LNP1: variants seen among roughly 807,000 people sequenced by gnomAD.
The protein encoded by LNP1 is leukemia NUP98 fusion partner 1.
Under a neutral mutation model 14.5 loss-of-function variants are expected in LNP1, and 12 were observed. The observed-to-expected ratio is 0.83, with a 90% CI of 0.53 to 1.34. The LOEUF is 1.34. Ranked by LOEUF, LNP1 falls within the 40% of genes most tolerant of loss-of-function variation. The pLI, the probability that LNP1 is intolerant of heterozygous loss-of-function variation, is 0.00. For missense variants in LNP1, 198 were observed against 210.9 expected (o/e 0.94, Z 0.38); for synonymous variants, 75 against 71.4 (o/e 1.05, Z -0.26).
chr3:100,404,206 G>T (rs1706941874), intron 1 of LNP1, among the ~76,000 whole-genome samples: 1 of 152,132 alleles, frequency 6.6e-6, no homozygotes, highest in South Asian at 2.1e-4. Context: ...TTTTGTGGGT[G>T]GGGGAGGTTG....
chr3:100,410,923 G>A (rs1707026142), intron 1 of LNP1, among the ~76,000 whole-genome samples: 1 of 152,176 alleles, frequency 6.6e-6, no homozygotes, highest in South Asian at 2.1e-4. Flanking sequence ...GAGTGGGTGT[G>A]CCCTTCCAGT....
chr3:100,455,957 C>G lies in LNP1; in HGVS notation c.*31C>G. ...TGCTTCTGCCTCATGACATCAGATG[C>G]TACTGTTTTGGTTTTTTTCTTTGAG... On this transcript the variant is annotated 3_prime_UTR_variant, in exon 4 of 4. Transcript: ENST00000383693. The G allele has an allele frequency of 6.3e-7, 1 of 1,578,976 alleles. No individual in the cohort carries two copies. Among genetic ancestry groups the G allele is most frequent in the Non-Finnish European group, 8.6e-7 (1 of 1,166,144 alleles).
At chr3:100,420,899 C>CT (rs926878444) in intron 1 of LNP1, among the ~76,000 whole-genome samples, 19 of 148,634 alleles carry the variant, frequency 1.3e-4, no homozygotes, top group Admixed American at 4.0e-4. Context: ...TTCTCCCATG[C>CT]TTTTTTTTTT....
At chr3:100,427,274 T>G (rs1707202026) in intron 1 of LNP1, among the ~76,000 whole-genome samples, 1 of 152,114 alleles carries the variant, frequency 6.6e-6, no homozygotes. Context: ...TGGGAATGTT[T>G]GGGCCCTTTC....
chr3:100,451,928 A>T lies in LNP1; in HGVS notation c.366A>T (p.Arg122Ser), dbSNP rs1483146931. The T allele has an allele frequency of 6.2e-7, 1 of 1,613,050 alleles. No homozygotes were observed. The highest frequency in any genetic ancestry group is 8.5e-7 in the Non-Finnish European group (1 of 1,179,512). The change falls in exon 3 of 4, where the codon AGA (arginine) becomes AGT (serine). Residue 122 changes from arginine to serine, a missense_variant. Arg to Ser is a moderately radical substitution (Grantham distance 110, BLOSUM62 -1). Coordinates refer to ENST00000383693, the MANE Select transcript of LNP1 (RefSeq NM_001085451.2). The part of the protein sequence containing the change: ...SESFERQLCF[R>S]TKRSASLGPE... ...CCTTTGAACGGCAACTGTGCTTTAG[A>T]ACCAAGCGTTCTGCCTCTTTGGTAT...
At chr3:100,423,036 G>A (rs546276086) in intron 1 of LNP1, among the ~76,000 whole-genome samples, 10 of 152,140 alleles carry the variant, frequency 6.6e-5, no homozygotes, top group Admixed American at 3.3e-4. Context: ...ATTATACTAT[G>A]ACACGTTGCC....
intron 1 of LNP1, among the ~76,000 whole-genome samples, chr3:100,415,339 G>A (rs1225010966): frequency 6.6e-6 from 1 of 152,038 alleles, no homozygotes; most frequent in Non-Finnish European, 1.5e-5. Flanking sequence ...ATATAAACAA[G>A]CTACTTGTAA....
At chr3:100,425,908 C>T (rs891777238) in intron 1 of LNP1, among the ~76,000 whole-genome samples, 2 of 152,166 alleles carry the variant, frequency 1.3e-5, no homozygotes, top group African/African-American at 4.8e-5. Flanking sequence ...AATCAAACTG[C>T]CTAACTAAGA....
chr3:100,423,182 A>C (rs569695490), intron 1 of LNP1, among the ~76,000 whole-genome samples: 50 of 152,344 alleles, frequency 3.3e-4, no homozygotes, highest in Non-Finnish European at 6.3e-4. Flanking sequence ...AGAAAAAAAG[A>C]TGTAGCAGTT....
intron 1 of LNP1, among the ~76,000 whole-genome samples, chr3:100,420,296 G>GCCTT (rs975496183): frequency 2.6e-5 from 4 of 151,950 alleles, no homozygotes; most frequent in African/African-American, 9.7e-5. Flanking sequence ...TTCTTTGCCT[G>GCCTT]CCTGCCTTCC....
At chr3:100,443,587 G>C (rs1031767390) in intron 2 of LNP1, among the ~76,000 whole-genome samples, 6 of 152,158 alleles carry the variant, frequency 3.9e-5, no homozygotes, top group African/African-American at 1.2e-4. Context: ...AGGCCTATAA[G>C]AACGTTACAT....
At chr3:100,428,025 C>G (rs746625393) in intron 1 of LNP1, among the ~76,000 whole-genome samples, 73 of 152,166 alleles carry the variant, frequency 4.8e-4, no homozygotes, top group Non-Finnish European at 9.1e-4. Context: ...CCAAGAATTC[C>G]TGATTGAAAA....
chr3:100,409,266 AG>A (rs1029477951), intron 1 of LNP1, among the ~76,000 whole-genome samples: 1 of 152,034 alleles, frequency 6.6e-6, no homozygotes, highest in African/African-American at 2.4e-5. Flanking sequence ...TGTAGAGCCT[AG>A]TGACTTTCAG....
intron 2 of LNP1, among the ~76,000 whole-genome samples, chr3:100,439,641 C>T (rs150371710): frequency 1.3e-5 from 2 of 152,186 alleles, no homozygotes; most frequent in African/African-American, 4.8e-5. Context: ...TATAGTTTTA[C>T]CCCGTTCTAC....
At chr3:100,453,418 G>A (rs1431894990) in intron 3 of LNP1, among the ~76,000 whole-genome samples, 2 of 144,974 alleles carry the variant, frequency 1.4e-5, no homozygotes, top group Admixed American at 6.9e-5. Context: ...CTGTCTCTAC[G>A]AAAATTAAAA....
At position 100,455,790 on chromosome 3, in the gene LNP1, GA is replaced by G. The variant is rs1477241292; in HGVS notation, c.404del (p.Lys135ArgfsTer9). ...KRSASLGPES[R>X]KERNERECLR... Reference sequence around the variant, plus strand: ...TTTCCCTTTCAGGGACCTGAAAGCAGAAAGGAGAGAAATGAAAGAGAATGCC... The same window carrying G: ...TTTCCCTTTCAGGGACCTGAAAGCAGAAGGAGAGAAATGAAAGAGAATGCC... On this transcript the variant is annotated frameshift_variant, in exon 4 of 4. Transcript: ENST00000383693. LOFTEE classifies it low-confidence loss of function (END_TRUNC). 1.9e-6 allele frequency: 3 copies of G among 1,613,872 alleles called. No individual in the cohort carries two copies. The highest frequency in any genetic ancestry group is 1.7e-5 in the Admixed American group (1 of 59,968).
intron 2 of LNP1, among the ~76,000 whole-genome samples, chr3:100,437,468 TA>T (rs544630225): frequency 8.5e-5 from 13 of 152,150 alleles, no homozygotes; most frequent in African/African-American, 3.1e-4. Context: ...TTTCCCCAAT[TA>T]AAAAAAGTTA....
At chr3:100,416,878 C>T (rs957053738) in intron 1 of LNP1, among the ~76,000 whole-genome samples, 1 of 152,048 alleles carries the variant, frequency 6.6e-6, no homozygotes, top group African/African-American at 2.4e-5. Flanking sequence ...TGCTCTCCCT[C>T]CCCTTTCCCC....
At chr3:100,442,733 G>C (rs1707356071) in intron 2 of LNP1, among the ~76,000 whole-genome samples, 1 of 152,026 alleles carries the variant, frequency 6.6e-6, no homozygotes, top group Non-Finnish European at 1.5e-5. Flanking sequence ...AGTGATTTGG[G>C]GGCCCCAAGA....
Sources: allele counts gnomAD v4.1 joint callset (sites outside exome capture counted in the v4.1 genomes callset), GRCh38; gene constraint gnomAD v4.1.1; transcripts MANE v1.5; gene names NCBI Gene and HGNC (gene_info 2026-07-23, HGNC 2026-07-21).